SMOC1: variants seen among roughly 807,000 people sequenced by gnomAD.
SMOC1 encodes SPARC related modular calcium binding 1, also known as SPARC-related modular calcium-binding protein 1.
SMOC1 carries 22 observed loss-of-function variants against 56.3 expected under a neutral mutation model. The observed-to-expected ratio is 0.39, with a 90% CI of 0.28 to 0.56. The LOEUF (loss-of-function observed/expected upper bound fraction) is 0.56. Among genes scored for constraint, SMOC1 ranks in the 20% least tolerant of loss-of-function variants. SMOC1 has a pLI of 0.61. For missense variants in SMOC1, 509 were observed against 565.4 expected, an observed-to-expected ratio of 0.90 and a Z score of 1.01; for synonymous variants, 193 against 215.0, an observed-to-expected ratio of 0.90 and a Z score of 0.89.
intron 3 of SMOC1, among the ~76,000 whole-genome samples, chr14:69,969,174 C>T (rs1203231205): frequency 6.6e-6 from 1 of 152,120 alleles, no homozygotes; most frequent in Non-Finnish European, 1.5e-5. Flanking sequence ...TCCCTTGACC[C>T]CAAGCACATT....
At chr14:69,944,887 T>C (rs1042327069) in intron 1 of SMOC1, among the ~76,000 whole-genome samples, 2 of 152,240 alleles carry the variant, frequency 1.3e-5, no homozygotes, top group African/African-American at 4.8e-5. Flanking sequence ...TAGAGATTTT[T>C]TTCATTTCCA....
intron 1 of SMOC1, among the ~76,000 whole-genome samples, chr14:69,887,252 TA>T (rs1883834535): frequency 6.6e-6 from 1 of 151,148 alleles, no homozygotes; most frequent in South Asian, 2.1e-4. Context: ...TAACTAAAAT[TA>T]AAAAAAAGTT....
At position 70,031,713 on chromosome 14, in the gene SMOC1, C is replaced by T. The variant is rs1385846358; in HGVS notation, c.*1455C>T. 1 of 152,240 alleles carries T rather than the reference C, an allele frequency of 6.6e-6. No homozygotes were observed. The highest frequency in any genetic ancestry group is 1.5e-5 in the Non-Finnish European group (1 of 68,078). 9.4% of individuals were successfully genotyped at this position (152,240 alleles called of 1,614,324 possible). A position where few individuals can be genotyped will look rare whatever the true frequency, so the allele number is the denominator to read the frequency against. Reference sequence around the variant, plus strand: ...AGCCTTCTGGTCTGAGGCGCAGCTCCCTCTGCCCAGGTGCTGTGCCTATTC... The same window carrying T: ...AGCCTTCTGGTCTGAGGCGCAGCTCTCTCTGCCCAGGTGCTGTGCCTATTC... On this transcript the variant is annotated 3_prime_UTR_variant, in exon 12 of 12. Transcript: ENST00000361956.
chr14:69,965,404 T>TAATAATAAA (rs761154559), intron 3 of SMOC1, among the ~76,000 whole-genome samples: 29 of 149,396 alleles, frequency 1.9e-4, no homozygotes, highest in South Asian at 4.2e-4. Flanking sequence ...ATAATAATAA[T>TAATAATAAA]AAAAAGATGA....
rs543659148 is a variant in SMOC1 at position 69,932,756 on chromosome 14, G to A, written c.100-19382G>A. Among the ~76,000 whole-genome samples the A allele has an allele frequency of 3.9e-5, 6 of 152,268 alleles. No individual in the cohort carries two copies. In the East Asian group the frequency reaches 1.2e-3, roughly 29 times the overall value. On this transcript the variant is annotated intron_variant, in intron 1 of 11. Transcript: ENST00000361956. The stretch of plus-strand genomic sequence containing the variant: ...GGCAGGGCAGTGCGGCTTTTTCCTG[G>A]TGACCACTTACAGGAGCTGTGATGG...
intron 3 of SMOC1, among the ~76,000 whole-genome samples, chr14:69,954,495 G>C (rs1194949228): frequency 1.3e-5 from 2 of 152,218 alleles, no homozygotes; most frequent in Admixed American, 1.3e-4. Context: ...TAAAACACAG[G>C]CAATGGTGGG....
At position 69,907,420 on chromosome 14, in the gene SMOC1, T is replaced by A. The variant is rs142153858; in HGVS notation, c.99+27643T>A. Among the ~76,000 whole-genome samples the A allele has an allele frequency of 1.2e-4, 18 of 152,374 alleles. No homozygotes were observed. In the East Asian group the frequency reaches 3.5e-3, roughly 29 times the overall value. ...TTAAATATATGGTGATTTCTTTGTC[T>A]ATTAAATATAATTTTACCTTTCTGA... On this transcript the variant is annotated intron_variant, in intron 1 of 11. Coordinates refer to ENST00000361956, the MANE Select transcript of SMOC1 (RefSeq NM_001034852.3).
chr14:69,959,548 A>C (rs1883298838), intron 3 of SMOC1, among the ~76,000 whole-genome samples: 1 of 152,202 alleles, frequency 6.6e-6, no homozygotes, highest in Non-Finnish European at 1.5e-5. Flanking sequence ...TGGTCCAGGA[A>C]CAATCTTTCT....
chr14:70,028,446 T>A (rs1190228411), intron 11 of SMOC1, among the ~76,000 whole-genome samples: 1 of 152,192 alleles, frequency 6.6e-6, no homozygotes, highest in Non-Finnish European at 1.5e-5. Context: ...GGTGGGTTAC[T>A]TGATATCTCC....
chr14:69,970,259 T>C (rs1032867896), intron 3 of SMOC1, among the ~76,000 whole-genome samples: 2 of 152,148 alleles, frequency 1.3e-5, no homozygotes, highest in Non-Finnish European at 2.9e-5. Context: ...TCAAAGAGAC[T>C]CAGTCGCTTC....
chr14:69,924,580 C>T (rs147105890), intron 1 of SMOC1, among the ~76,000 whole-genome samples: 2 of 151,706 alleles, frequency 1.3e-5, no homozygotes, highest in East Asian at 3.9e-4. Context: ...ATGATCTGAC[C>T]TCTGCCTCTC....
intron 8 of SMOC1, 133 bp from the exon 9 acceptor site, chr14:70,011,352 G>T (rs895837893): frequency 1.2e-6 from 1 of 833,294 alleles, no homozygotes; most frequent in East Asian, 2.5e-5. Flanking sequence ...GCCGGGCAGC[G>T]CAAGAGATAT....
rs761154559 is a variant in SMOC1, at chr14:69,965,404, T to TAATAATAATAATAATAATAAAA, written c.379-10309_379-10308insTAATAATAATAATAATAAAAAA. Among the ~76,000 whole-genome samples the TAATAATAATAATAATAATAAAA allele has an allele frequency of 2.7e-5, 4 of 149,478 alleles. No individual in the cohort carries two copies. The South Asian group carries it at 6.3e-4, about 24-fold the overall frequency. ...ATAATAATAATAATAATAATAATAA[T>TAATAATAATAATAATAATAAAA]AAAAAGATGACCAAAGGGATACCTG... is the stretch of plus-strand genomic sequence containing the variant. On this transcript the variant is annotated intron_variant, in intron 3 of 11. Coordinates refer to ENST00000361956, the MANE Select transcript of SMOC1 (RefSeq NM_001034852.3).
At chr14:69,948,848 A>G (rs1021934554) in intron 1 of SMOC1, among the ~76,000 whole-genome samples, 3 of 152,224 alleles carry the variant, frequency 2.0e-5, no homozygotes, top group African/African-American at 7.2e-5. Context: ...CTAAAAGCCC[A>G]GAGAAGCTAG....
chr14:69,952,668 A>C (rs1226436635), intron 2 of SMOC1, among the ~76,000 whole-genome samples: 2 of 152,224 alleles, frequency 1.3e-5, no homozygotes, highest in Non-Finnish European at 2.9e-5. Flanking sequence ...TTGCCTGTTT[A>C]AAAACAGCAA....
intron 1 of SMOC1, among the ~76,000 whole-genome samples, chr14:69,942,676 G>A (rs1265998808): frequency 6.6e-6 from 1 of 152,090 alleles, no homozygotes; most frequent in African/African-American, 2.4e-5. Flanking sequence ...AACTTTTTGA[G>A]TCTGGCTTCT....
intron 5 of SMOC1, among the ~76,000 whole-genome samples, chr14:69,981,263 A>C (rs1884169387): frequency 6.6e-6 from 1 of 152,082 alleles, no homozygotes; most frequent in African/African-American, 2.4e-5. Context: ...ACCCAGATGC[A>C]CGTGCTCCAG....
intron 7 of SMOC1, among the ~76,000 whole-genome samples, chr14:69,998,356 G>T (rs1418209262): frequency 6.6e-6 from 1 of 151,966 alleles, no homozygotes; most frequent in Non-Finnish European, 1.5e-5. Context: ...CTTGAGAACA[G>T]CATCTTCCCA....
At chr14:69,939,121 G>T (rs1440101187) in intron 1 of SMOC1, among the ~76,000 whole-genome samples, 1 of 152,208 alleles carries the variant, frequency 6.6e-6, no homozygotes, top group Admixed American at 6.5e-5. Context: ...GCCACATTGT[G>T]AGTTACTGAG....
Sources: gnomAD v4.1 joint callset for allele counts (sites outside exome capture counted in the v4.1 genomes callset) on GRCh38, gnomAD v4.1.1 for gene constraint, MANE v1.5 for transcripts, NCBI Gene and HGNC (gene_info 2026-07-23, HGNC 2026-07-21) for gene names.